The following FBXL17 variants were observed in gnomAD, a reference collection of about 807,000 sequenced individuals.
FBXL17 encodes F-box and leucine rich repeat protein 17.
FBXL17 carries 22 observed loss-of-function variants against 66.2 expected under a neutral mutation model. The observed-to-expected ratio is 0.33, with a 90% confidence interval of 0.24 to 0.47. The LOEUF (loss-of-function observed/expected upper bound fraction) is 0.47, where lower values mean the gene tolerates loss of function less well. Ranked by LOEUF, FBXL17 falls within the 20% of genes least tolerant of loss-of-function variation. FBXL17 has a pLI of 1.00. For missense variants in FBXL17, 878 were observed against 948.2 expected, an observed-to-expected ratio of 0.93 and a Z score of 0.97; for synonymous variants, 474 against 400.5, an observed-to-expected ratio of 1.18 and a Z score of -2.19.
At chr5:108,134,242 A>G (rs1751047209) in intron 6 of FBXL17, among the ~76,000 whole-genome samples, 1 of 152,182 alleles carries the variant, frequency 6.6e-6, no homozygotes, top group Admixed American at 6.5e-5. Context: ...TTTCATCTCA[A>G]AATTGAAGCA....
intron 7 of FBXL17, among the ~76,000 whole-genome samples, chr5:107,892,301 G>C (rs1376224452): frequency 8.2e-6 from 1 of 121,952 alleles, no homozygotes; most frequent in Admixed American, 7.8e-5. Flanking sequence ...AATCAGAAAG[G>C]GGTCTTGTTT....
intron 8 of FBXL17, 21 bp from the exon 9 acceptor site, chr5:107,861,881 C>T (rs549692367): frequency 1.3e-6 from 2 of 1,486,128 alleles, no homozygotes; most frequent in African/African-American, 2.8e-5. Context: ...AGAAGAGTCA[C>T]CATCACGCAC....
chr5:108,193,068 CAATTAGTACCTA>C (rs1291742850), intron 5 of FBXL17, among the ~76,000 whole-genome samples: 1 of 152,166 alleles, frequency 6.6e-6, no homozygotes, highest in Non-Finnish European at 1.5e-5. Flanking sequence ...GTTCAAATGT[CAATTAGTACCTA>C]AATTAGTTCT....
chr5:108,121,154 C>A (rs1343372928), intron 6 of FBXL17, among the ~76,000 whole-genome samples: 1 of 151,946 alleles, frequency 6.6e-6, no homozygotes, highest in Admixed American at 6.6e-5. Flanking sequence ...ATGGTGAAAT[C>A]CTGTCTCTAT....
chr5:107,914,974 A>G lies in FBXL17; in HGVS notation c.1823-33795T>C, dbSNP rs191589074. ...AATTGCAACCAAAAGATTCCTGAAA[A>G]TACTCCATTTAGTTAATGGTTTTAA... On this transcript the variant is annotated intron_variant, in intron 7 of 8. Coordinates refer to ENST00000542267, the MANE Select transcript of FBXL17 (RefSeq NM_001163315.3). Among the ~76,000 whole-genome samples, 15 of 152,322 alleles carry G rather than the reference A, an allele frequency of 9.8e-5. No homozygotes were observed. The East Asian group carries it at 2.9e-3, about 29-fold the overall frequency.
chr5:108,212,833 T>C lies in FBXL17; in HGVS notation c.1614+11288A>G, dbSNP rs369273300. On this transcript the variant is annotated intron_variant, in intron 5 of 8. Coordinates refer to ENST00000542267, the MANE Select transcript of FBXL17 (RefSeq NM_001163315.3). ...GAGGCAGTCTGATCCTTAGCAGAGG[T>C]TGAATGCTGTGCTGGGAGGTACGCT... is the stretch of plus-strand genomic sequence containing the variant. Among the ~76,000 whole-genome samples the C allele has an allele frequency of 3.1e-4, 47 of 152,190 alleles. No individual in the cohort carries two copies. The South Asian group carries it at 7.1e-3, about 23-fold the overall frequency.
intron 6 of FBXL17, among the ~76,000 whole-genome samples, chr5:108,156,100 G>A (rs1175635831): frequency 6.6e-6 from 1 of 152,046 alleles, no homozygotes; most frequent in Non-Finnish European, 1.5e-5. Context: ...AACTTGGGAA[G>A]AATATTTGCT....
intron 7 of FBXL17, among the ~76,000 whole-genome samples, chr5:107,950,680 G>C (rs1400287158): frequency 6.6e-6 from 1 of 152,150 alleles, no homozygotes; most frequent in African/African-American, 2.4e-5. Context: ...ATGTTTTAGA[G>C]CTGGGTGAGA....
intron 1 of FBXL17, among the ~76,000 whole-genome samples, chr5:108,373,211 A>G (rs749316849): frequency 3.1e-4 from 46 of 146,688 alleles, no homozygotes; most frequent in Non-Finnish European, 5.5e-4. Flanking sequence ...AACATATCTA[A>G]ATATATTATA....
At chr5:108,026,778 G>A (rs550068558) in intron 6 of FBXL17, among the ~76,000 whole-genome samples, 15 of 152,314 alleles carry the variant, frequency 9.8e-5, no homozygotes, top group African/African-American at 3.6e-4. Flanking sequence ...ATAGCAAACC[G>A]ATGCCCATTT....
chr5:108,189,374 A>AC (rs5870305), intron 5 of FBXL17, among the ~76,000 whole-genome samples: 1 of 144,980 alleles, frequency 6.9e-6, no homozygotes, highest in Non-Finnish European at 1.5e-5. Flanking sequence ...GACAATGGTA[A>AC]GAAAAAAAGC....
At chr5:108,079,347 C>A (rs957298149) in intron 6 of FBXL17, among the ~76,000 whole-genome samples, 1 of 151,940 alleles carries the variant, frequency 6.6e-6, no homozygotes, top group Non-Finnish European at 1.5e-5. Context: ...GCAAAGTGAT[C>A]CTGAAACTCT....
intron 4 of FBXL17, among the ~76,000 whole-genome samples, chr5:108,260,902 CCT>C (rs569657166): frequency 2.0e-5 from 3 of 152,104 alleles, no homozygotes; most frequent in African/African-American, 4.8e-5. Flanking sequence ...TCTGCGATCC[CCT>C]GATTGTCTTG....
intron 7 of FBXL17, among the ~76,000 whole-genome samples, chr5:107,907,420 C>T (rs1196890493): frequency 6.6e-6 from 1 of 152,088 alleles, no homozygotes; most frequent in Non-Finnish European, 1.5e-5. Context: ...CAACACAGTG[C>T]CTGGCTCAGC....
chr5:108,217,188 G>A (rs1193674073), intron 5 of FBXL17, among the ~76,000 whole-genome samples: 2 of 151,826 alleles, frequency 1.3e-5, no homozygotes, highest in Non-Finnish European at 2.9e-5. Flanking sequence ...GCCCCACAGT[G>A]GATACTCCCA....
chr5:108,081,639 C>T (rs944900916), intron 6 of FBXL17, among the ~76,000 whole-genome samples: 1 of 152,040 alleles, frequency 6.6e-6, no homozygotes, highest in Non-Finnish European at 1.5e-5. Context: ...AGGAGAATGG[C>T]GTGAACCCGG....
intron 6 of FBXL17, among the ~76,000 whole-genome samples, chr5:108,114,128 A>G (rs1750147449): frequency 6.6e-6 from 1 of 152,176 alleles, no homozygotes. Flanking sequence ...GCTAATCTTC[A>G]TTATCATTCT....
chr5:108,154,702 CATAT>C (rs1014708402), intron 6 of FBXL17, among the ~76,000 whole-genome samples: 23 of 132,840 alleles, frequency 1.7e-4, no homozygotes, highest in Non-Finnish European at 3.2e-4. Context: ...TATGTATATA[CATAT>C]ATATGTGTAT....
intron 7 of FBXL17, among the ~76,000 whole-genome samples, chr5:107,900,597 AT>A (rs754670827): frequency 9.5e-6 from 1 of 104,958 alleles, no homozygotes; most frequent in African/African-American, 3.6e-5. Flanking sequence ...TACTGATTAC[AT>A]TTTTTTAGAT....
Sources: gnomAD v4.1 joint callset for allele counts (sites outside exome capture counted in the v4.1 genomes callset) on GRCh38, gnomAD v4.1.1 for gene constraint, MANE v1.5 for transcripts, NCBI Gene and HGNC (gene_info 2026-07-23, HGNC 2026-07-21) for gene names.